The following CFAP95 variants were observed in gnomAD, a reference collection of about 807,000 sequenced individuals.
The protein encoded by CFAP95 is cilia- and flagella-associated protein 95.
the CFAP95 span, among the ~76,000 whole-genome samples, chr9:69,867,906 A>T: frequency 6.6e-6 from 1 of 152,220 alleles, no homozygotes; most frequent in Non-Finnish European, 1.5e-5. Context: ...CTAACATCAC[A>T]TGGAACAGAT....
chr9:69,903,428 C>G, the CFAP95 span, among the ~76,000 whole-genome samples: 2 of 152,182 alleles, frequency 1.3e-5, no homozygotes, highest in Non-Finnish European at 2.9e-5. Flanking sequence ...AACCACATCC[C>G]TGCTACACCC....
chr9:69,874,789 G>C, the CFAP95 span, among the ~76,000 whole-genome samples: 1 of 152,166 alleles, frequency 6.6e-6, no homozygotes, highest in African/African-American at 2.4e-5. Flanking sequence ...GGACCTAAGA[G>C]CCACGAGTAG....
chr9:69,880,458 G>C, the CFAP95 span, among the ~76,000 whole-genome samples: 1 of 152,202 alleles, frequency 6.6e-6, no homozygotes, highest in Non-Finnish European at 1.5e-5. Flanking sequence ...GTGATCTCCT[G>C]TTCTATCAAT....
chr9:69,904,193 T>G, the CFAP95 span, among the ~76,000 whole-genome samples: 1 of 152,332 alleles, frequency 6.6e-6, no homozygotes, highest in East Asian at 1.9e-4. Context: ...CAGTATCTAT[T>G]AACAGTCACT....
chr9:69,865,954 G>T, the CFAP95 span, among the ~76,000 whole-genome samples: 1 of 152,092 alleles, frequency 6.6e-6, no homozygotes, highest in Non-Finnish European at 1.5e-5. Flanking sequence ...TCTGTGATGG[G>T]AAATACAGAA....
chr9:69,861,310 C>T, the CFAP95 span, among the ~76,000 whole-genome samples: 3 of 152,120 alleles, frequency 2.0e-5, no homozygotes, highest in African/African-American at 7.2e-5. Context: ...TCTATTTTAG[C>T]CTCTCCTTTT....
the CFAP95 span, among the ~76,000 whole-genome samples, chr9:69,847,032 G>A: frequency 5.9e-5 from 9 of 152,118 alleles, no homozygotes; most frequent in African/African-American, 1.9e-4. Flanking sequence ...TAGAGGACAC[G>A]GGGTCCAGTC....
chr9:69,904,323 A>G, the CFAP95 span, among the ~76,000 whole-genome samples: 1 of 152,232 alleles, frequency 6.6e-6, no homozygotes, highest in South Asian at 2.1e-4. Flanking sequence ...TTCGCTTCTT[A>G]GCATAATGTT....
the CFAP95 span, among the ~76,000 whole-genome samples, chr9:69,892,450 C>A: frequency 6.6e-6 from 1 of 152,158 alleles, no homozygotes; most frequent in South Asian, 2.1e-4. Context: ...ATTAGGAGCC[C>A]TTTATTGTTT....
At chr9:69,866,732 C>T in the CFAP95 span, among the ~76,000 whole-genome samples, 1 of 152,192 alleles carries the variant, frequency 6.6e-6, no homozygotes. Flanking sequence ...TAAAATTAGC[C>T]ATGACAAGCA....
the CFAP95 span, among the ~76,000 whole-genome samples, chr9:69,881,913 T>C: frequency 6.6e-6 from 1 of 152,178 alleles, no homozygotes; most frequent in Non-Finnish European, 1.5e-5. Flanking sequence ...CTAATTTTAT[T>C]TGTGGCTATC....
the CFAP95 span, among the ~76,000 whole-genome samples, chr9:69,875,143 A>G: frequency 6.6e-6 from 1 of 152,064 alleles, no homozygotes; most frequent in Non-Finnish European, 1.5e-5. Context: ...AGACCACCTT[A>G]TTTCAAATTT....
At chr9:69,881,938 GT>G in the CFAP95 span, among the ~76,000 whole-genome samples, 5 of 147,138 alleles carry the variant, frequency 3.4e-5, no homozygotes, top group South Asian at 2.1e-4. Context: ...ATGGGATTAG[GT>G]TTTTTTTAAA....
the CFAP95 span, among the ~76,000 whole-genome samples, chr9:69,867,167 C>A: frequency 6.6e-6 from 1 of 152,130 alleles, no homozygotes; most frequent in Middle Eastern, 3.2e-3. Context: ...GGATTGTGTG[C>A]CTTGGCAAAG....
At chr9:69,879,916 G>A in the CFAP95 span, among the ~76,000 whole-genome samples, 9 of 151,782 alleles carry the variant, frequency 5.9e-5, no homozygotes, top group African/African-American at 1.7e-4. Context: ...GTTGATAAAG[G>A]GGCATCTATT....
At chr9:69,862,705 G>T in the CFAP95 span, among the ~76,000 whole-genome samples, 1 of 152,188 alleles carries the variant, frequency 6.6e-6, no homozygotes, top group Non-Finnish European at 1.5e-5. Flanking sequence ...GTATAGTTTT[G>T]TTATTAAGGA....
chr9:69,862,576 G>T, the CFAP95 span, among the ~76,000 whole-genome samples: 1 of 152,146 alleles, frequency 6.6e-6, no homozygotes, highest in Non-Finnish European at 1.5e-5. Flanking sequence ...AAAAGGCAAT[G>T]AATAAGAATG....
At chr9:69,841,431 G>C in the CFAP95 span, among the ~76,000 whole-genome samples, 1 of 151,748 alleles carries the variant, frequency 6.6e-6, no homozygotes, top group African/African-American at 2.4e-5. Flanking sequence ...CAAAAACTTG[G>C]GTCTTAGCAT....
chr9:69,901,651 G>A, the CFAP95 span, among the ~76,000 whole-genome samples: 1 of 152,102 alleles, frequency 6.6e-6, no homozygotes, highest in Non-Finnish European at 1.5e-5. Flanking sequence ...AGTAACATAC[G>A]TGTGCATGTG....
Sources: allele counts gnomAD v4.1 joint callset (sites outside exome capture counted in the v4.1 genomes callset), GRCh38; gene constraint gnomAD v4.1.1; transcripts MANE v1.5; gene names NCBI Gene and HGNC (gene_info 2026-07-23, HGNC 2026-07-21).